Variants in MYO5A observed in about 807,000 individuals in gnomAD.
The protein encoded by MYO5A is myosin VA, also known as unconventional myosin-Va.
Under a neutral mutation model 249.7 loss-of-function variants are expected in MYO5A, and 98 were observed. The ratio of observed to expected loss-of-function variants is 0.39; its 90% confidence interval spans 0.33 to 0.46. The LOEUF is 0.46. Among genes scored for constraint, MYO5A ranks in the 20% least tolerant of loss-of-function variants. The probability of loss-of-function intolerance (pLI) is 0.98; values close to 1 mark genes in which losing one functional copy is unlikely to be tolerated. For synonymous variants in MYO5A, 778 were observed against 810.6 expected (o/e 0.96, Z 0.68); for missense variants, 1,696 against 2,308.8 (o/e 0.73, Z 5.44).
At chr15:52,387,726 A>T (rs189722524) in intron 14 of MYO5A, 103 bp downstream of exon 14, 3 of 904,620 alleles carry the variant, frequency 3.3e-6, no homozygotes, top group East Asian at 4.9e-5. Context: ...ATATTTGGTA[A>T]ATTAAAAACT....
chr15:52,458,635 A>C (rs1428308380), intron 1 of MYO5A, among the ~76,000 whole-genome samples: 1 of 152,064 alleles, frequency 6.6e-6, no homozygotes, highest in Admixed American at 6.5e-5. Flanking sequence ...AAAGAAAAAT[A>C]ATAAAAAAGA....
intron 4 of MYO5A, among the ~76,000 whole-genome samples, chr15:52,423,858 G>A (rs1595654903): frequency 1.3e-5 from 2 of 152,120 alleles, no homozygotes; most frequent in Admixed American, 6.5e-5. Context: ...TAAATCTAAA[G>A]GTAAAAAGCC....
At chr15:52,385,985 T>C (rs1187716159) in intron 14 of MYO5A, among the ~76,000 whole-genome samples, 2 of 152,126 alleles carry the variant, frequency 1.3e-5, no homozygotes, top group African/African-American at 4.8e-5. Context: ...ATTAGAAAAC[T>C]AAATCAGAAT....
intron 1 of MYO5A, among the ~76,000 whole-genome samples, chr15:52,454,073 A>G (rs2076071654): frequency 6.6e-6 from 1 of 152,138 alleles, no homozygotes; most frequent in East Asian, 1.9e-4. Flanking sequence ...TAGAGTGGCT[A>G]AATCAAAAAA....
intron 29 of MYO5A, 141 bp downstream of exon 29, chr15:52,348,677 A>C: frequency 1.3e-6 from 1 of 761,242 alleles, no homozygotes; most frequent in Non-Finnish European, 2.1e-6. Flanking sequence ...GAAGGAGTCA[A>C]ATCGGAAATT....
chr15:52,384,963 T>C lies in MYO5A; in HGVS notation c.1753-641A>G, dbSNP rs180709105. On this transcript the variant is annotated intron_variant, in intron 14 of 41. Coordinates refer to ENST00000399233, the MANE Select transcript of MYO5A (RefSeq NM_001382347.1). ...CTACCCATATCCTGTACATTTGATA[T>C]TTGTTTTCAAGGGATTTATAACTTC... is the stretch of plus-strand genomic sequence containing the variant. 3.3e-5 allele frequency among the ~76,000 whole-genome samples: 5 copies of C among 152,374 alleles called. No homozygotes were observed. In the East Asian group the frequency reaches 9.6e-4, roughly 29 times the overall value.
intron 25 of MYO5A, among the ~76,000 whole-genome samples, chr15:52,357,776 A>G (rs2040319309): frequency 6.6e-6 from 1 of 152,210 alleles, no homozygotes; most frequent in African/African-American, 2.4e-5. Flanking sequence ...TCTGTCACAG[A>G]GAAGTTTCTG....
intron 9 of MYO5A, among the ~76,000 whole-genome samples, chr15:52,400,773 G>A (rs1387590613): frequency 1.3e-5 from 2 of 152,184 alleles, no homozygotes; most frequent in Non-Finnish European, 2.9e-5. Context: ...ACTATCAATT[G>A]TGATCACTTG....
At chr15:52,337,105 TAA>T (rs974713698) in intron 33 of MYO5A, among the ~76,000 whole-genome samples, 1 of 152,120 alleles carries the variant, frequency 6.6e-6, no homozygotes, top group African/African-American at 2.4e-5. Context: ...AAGAACAGGA[TAA>T]AGAGTGGTCT....
At chr15:52,387,362 C>T (rs1018711577) in intron 14 of MYO5A, among the ~76,000 whole-genome samples, 1 of 152,214 alleles carries the variant, frequency 6.6e-6, no homozygotes, top group African/African-American at 2.4e-5. Flanking sequence ...GATCAGTCTC[C>T]ATCTGGATGG....
chr15:52,338,224 C>CTTTT (rs561714948), intron 32 of MYO5A, among the ~76,000 whole-genome samples: 3 of 128,834 alleles, frequency 2.3e-5, no homozygotes, highest in Non-Finnish European at 4.9e-5. Flanking sequence ...ACTTGCTGCA[C>CTTTT]TTTTTTTTTT....
chr15:52,495,894 T>C (rs755572018), intron 1 of MYO5A, among the ~76,000 whole-genome samples: 19 of 151,912 alleles, frequency 1.3e-4, no homozygotes, highest in Non-Finnish European at 2.1e-4. Context: ...ATTCATGTTG[T>C]CCTCAGGGTG....
At chr15:52,373,955 A>AAATG in intron 20 of MYO5A, among the ~76,000 whole-genome samples, 2 of 3,516 alleles carry the variant, frequency 5.7e-4, no homozygotes, top group Middle Eastern at 0.5. Context: ...CTTCAAATAA[A>AAATG]AATAAATAAA....
At chr15:52,419,349 CTG>C (rs1321703758) in intron 4 of MYO5A, among the ~76,000 whole-genome samples, 2 of 152,110 alleles carry the variant, frequency 1.3e-5, no homozygotes, top group Non-Finnish European at 2.9e-5. Flanking sequence ...TCTTTCAAAA[CTG>C]TGTTTTTACC....
At position 52,353,885 on chromosome 15, in the gene MYO5A, G is replaced by C. The variant is rs751755968; in HGVS notation, c.3553C>G (p.Arg1185Gly). The stretch of plus-strand genomic sequence containing the variant: ...GTGCTGCGCACCTTGGCCTTGCTGC[G>C]GAGCACCTGCTCCTCCTTGCGGTCC... ...ELDRKEEQVL[R>G]SKAKEEERPQ... Residue 1185 changes from arginine to glycine, a missense_variant, in exon 26 of 42, where the codon CGC (arginine) becomes GGC (glycine). This residue lies in a region of MYO5A where 625 missense variants were observed against 908.1 expected (regional missense o/e 0.69). Transcript: ENST00000399233. 1 of 1,614,024 alleles carries C rather than the reference G, an allele frequency of 6.2e-7. No homozygotes were observed. Among genetic ancestry groups the C allele is most frequent in the Non-Finnish European group, 8.5e-7 (1 of 1,180,024 alleles).
intron 1 of MYO5A, chr15:52,505,913 A>C: frequency 6.6e-7 from 1 of 1,520,596 alleles, no homozygotes; most frequent in African/African-American, 1.4e-5. Flanking sequence ...AGATTAAAAA[A>C]AAAATTTTTC....
chr15:52,517,617 A>G (rs1244616058), intron 1 of MYO5A, among the ~76,000 whole-genome samples: 1 of 152,218 alleles, frequency 6.6e-6, no homozygotes, highest in Non-Finnish European at 1.5e-5. Context: ...AGGCTGAGGC[A>G]GAGGTATTAC....
At chr15:52,506,011 C>T (rs2077262466) in intron 1 of MYO5A, 6 of 662,222 alleles carry the variant, frequency 9.1e-6, no homozygotes, top group South Asian at 4.2e-5. Context: ...GTCAGGAGTT[C>T]GAGACCAGCC....
intron 1 of MYO5A, among the ~76,000 whole-genome samples, chr15:52,477,794 C>A (rs67028104): frequency 6.6e-6 from 1 of 152,072 alleles, no homozygotes; most frequent in African/African-American, 2.4e-5. Context: ...GAGGTGCACC[C>A]GGCCGTATGA....
Sources: allele counts gnomAD v4.1 joint callset (sites outside exome capture counted in the v4.1 genomes callset), GRCh38; gene constraint gnomAD v4.1.1; regional missense constraint gnomAD v4.1.1; transcripts MANE v1.5; gene names NCBI Gene and HGNC (gene_info 2026-07-23, HGNC 2026-07-21).